Variants in KIRREL3 observed in about 807,000 individuals in gnomAD.
KIRREL3 encodes kirre like nephrin family adhesion molecule 3.
Under a neutral mutation model 89.7 loss-of-function variants are expected in KIRREL3, and 36 were observed. That is an observed-to-expected ratio of 0.40 (90% CI 0.31 to 0.53). The LOEUF (loss-of-function observed/expected upper bound fraction) is 0.53, where lower values mean the gene tolerates loss of function less well. KIRREL3 is among the 20% of genes least tolerant of loss of function. KIRREL3 has a pLI of 0.49. For synonymous variants in KIRREL3, 445 were observed against 441.4 expected (o/e 1.01, Z -0.10); for missense variants, 864 against 1,056.6 (o/e 0.82, Z 2.53).
In KIRREL3 at chr11:126,993,100, C is replaced by T. The variant is rs1950083171; in HGVS notation, c.55+7355G>A. Among the ~76,000 whole-genome samples the T allele has an allele frequency of 7.5e-6, 1 of 134,148 alleles. No individual in the cohort carries two copies. The highest frequency in any genetic ancestry group is 2.3e-4 in the South Asian group (1 of 4,278). 88.0% of individuals were successfully genotyped at this position (134,148 alleles called of 152,430 possible). On this transcript the variant is annotated intron_variant, in intron 1 of 16. Coordinates refer to ENST00000525144, the MANE Select transcript of KIRREL3 (RefSeq NM_032531.4). This position sits in a 1 kb window ranked among gnomAD's most constrained non-coding sequence, Gnocchi z 6.1. ...TTTCCATTCAATTTTACATTTTTAG[C>T]CCCATGTGAAACACAAGAAATACCA...
In KIRREL3 at chr11:126,606,902, G is replaced by T. The variant is rs1359558508; in HGVS notation, c.56-43990C>A. Among the ~76,000 whole-genome samples, 1 of 152,024 alleles carries T rather than the reference G, an allele frequency of 6.6e-6. No individual in the cohort carries two copies. The highest frequency in any genetic ancestry group is 1.5e-5 in the Non-Finnish European group (1 of 68,006). On this transcript the variant is annotated intron_variant, in intron 1 of 16. Coordinates refer to ENST00000525144, the MANE Select transcript of KIRREL3 (RefSeq NM_032531.4). This position sits in a 1 kb window ranked among gnomAD's most constrained non-coding sequence, Gnocchi z 4.6. Reference sequence around the variant, plus strand: ...AGGGAGGACTCTGGATGGGAAAGGGGAGAAGCTCAGATGATGGGAAGGGGC... The same window carrying T: ...AGGGAGGACTCTGGATGGGAAAGGGTAGAAGCTCAGATGATGGGAAGGGGC...
intron 1 of KIRREL3, among the ~76,000 whole-genome samples, chr11:126,937,526 C>T (rs1401423656): frequency 2.6e-5 from 4 of 152,152 alleles, no homozygotes; most frequent in African/African-American, 9.7e-5. Context: ...AAAGCTTTTG[C>T]CTTACTGATA....
intron 4 of KIRREL3, among the ~76,000 whole-genome samples, chr11:126,479,393 C>T (rs998045343): frequency 2.6e-5 from 4 of 152,212 alleles, no homozygotes; most frequent in Non-Finnish European, 2.9e-5. Context: ...AAGCCATACA[C>T]GGCCTGCCAT....
intron 1 of KIRREL3, among the ~76,000 whole-genome samples, chr11:126,573,355 T>C (rs1278055730): frequency 2.6e-5 from 4 of 152,140 alleles, no homozygotes; most frequent in Non-Finnish European, 4.4e-5. Context: ...CTCTAGGGCA[T>C]TGTAACTTGG....
chr11:126,806,794 C>T (rs949548500), intron 1 of KIRREL3, among the ~76,000 whole-genome samples: 2 of 152,226 alleles, frequency 1.3e-5, no homozygotes, highest in South Asian at 2.1e-4. Context: ...TTTTAAGCCC[C>T]ACATGCATTA....
In KIRREL3 at chr11:126,879,281, T is replaced by G. The variant is rs1945407698; in HGVS notation, c.55+121174A>C. Among the ~76,000 whole-genome samples, 1 of 152,196 alleles carries G rather than the reference T, an allele frequency of 6.6e-6. No homozygotes were observed. The highest frequency in any genetic ancestry group is 1.5e-5 in the Non-Finnish European group (1 of 68,048). On this transcript the variant is annotated intron_variant, in intron 1 of 16. Coordinates refer to ENST00000525144, the MANE Select transcript of KIRREL3 (RefSeq NM_032531.4). The surrounding 1 kb of genome is among the most constrained non-coding windows in gnomAD (Gnocchi z 5.4). ...GAGCTGATGTGTTTATTTAGACTAG[T>G]GCTGAGGCTGAGTTAATGCCAGTTT... is the stretch of plus-strand genomic sequence containing the variant.
At position 126,683,462 on chromosome 11, in the gene KIRREL3, A is replaced by G. The variant is rs114207331; in HGVS notation, c.56-120550T>C. On this transcript the variant is annotated intron_variant, in intron 1 of 16. Coordinates refer to ENST00000525144, the MANE Select transcript of KIRREL3 (RefSeq NM_032531.4). The surrounding 1 kb of genome is among the most constrained non-coding windows in gnomAD (Gnocchi z 5.2). ...ATGGGTCTGGGCATCCACTGCTTTC[A>G]CCGAGGGTCTCTGCATGACTTTAGG... 7.6e-3 allele frequency among the ~76,000 whole-genome samples: 1,153 copies of G among 152,306 alleles called. 17 individuals are homozygous for G. Among genetic ancestry groups the G allele is most frequent in the African/African-American group, 0.026 (1,089 of 41,542 alleles).
Position 126,535,633 on chromosome 11 carries a change from A to G in KIRREL3, c.134-8946T>C, listed in dbSNP as rs1937795492. Among the ~76,000 whole-genome samples the G allele has an allele frequency of 6.6e-6, 1 of 151,674 alleles. No individual in the cohort carries two copies. Among genetic ancestry groups the G allele is most frequent in the Admixed American group, 6.6e-5 (1 of 15,198 alleles). ...TGTCAGATTAACTGAATTGGCCTCA[A>G]CCCCACCTTTTCTCCAGCCAGACAT... On this transcript the variant is annotated intron_variant, in intron 2 of 16. Coordinates refer to ENST00000525144, the MANE Select transcript of KIRREL3 (RefSeq NM_032531.4). The surrounding 1 kb of genome is among the most constrained non-coding windows in gnomAD (Gnocchi z 4.5).
intron 1 of KIRREL3, among the ~76,000 whole-genome samples, chr11:126,688,240 G>A (rs1160484791): frequency 6.6e-6 from 1 of 152,208 alleles, no homozygotes; most frequent in Non-Finnish European, 1.5e-5. Flanking sequence ...TCTCTGATGA[G>A]TGCATTCAAT....
intron 1 of KIRREL3, among the ~76,000 whole-genome samples, chr11:126,915,529 T>C (rs909163367): frequency 6.6e-6 from 1 of 152,176 alleles, no homozygotes; most frequent in African/African-American, 2.4e-5. Flanking sequence ...AGAGATGAAT[T>C]CAGGCATCAT....
At chr11:126,930,130 C>T (rs1466761118) in intron 1 of KIRREL3, among the ~76,000 whole-genome samples, 1 of 152,072 alleles carries the variant, frequency 6.6e-6, no homozygotes. Flanking sequence ...TTCACTCCCC[C>T]CTGCACACTT....
intron 7 of KIRREL3, among the ~76,000 whole-genome samples, chr11:126,450,968 T>G (rs1323108158): frequency 6.7e-6 from 1 of 150,220 alleles, no homozygotes; most frequent in East Asian, 2.0e-4. Flanking sequence ...AGCGTGTGCA[T>G]GCATGGGTGT....
chr11:126,800,901 C>T (rs1443580146), intron 1 of KIRREL3, among the ~76,000 whole-genome samples: 1 of 152,156 alleles, frequency 6.6e-6, no homozygotes, highest in Non-Finnish European at 1.5e-5. Context: ...TGAGCCACAG[C>T]TGTGGGAAGC....
chr11:126,994,818 C>T lies in KIRREL3; in HGVS notation c.55+5637G>A, dbSNP rs11822035. On this transcript the variant is annotated intron_variant, in intron 1 of 16. Coordinates refer to ENST00000525144, the MANE Select transcript of KIRREL3 (RefSeq NM_032531.4). This position sits in a 1 kb window ranked among gnomAD's most constrained non-coding sequence, Gnocchi z 5.2. The stretch of plus-strand genomic sequence containing the variant: ...AGTGTGCTTTCTGAGAGGACTGAAG[C>T]CCTTCCGTGCTTCATAATAAAGCTT... 0.011 allele frequency among the ~76,000 whole-genome samples: 1,688 copies of T among 152,254 alleles called. 25 individuals are homozygous for T. The highest frequency in any genetic ancestry group is 0.037 in the African/African-American group (1,525 of 41,536).
intron 1 of KIRREL3, among the ~76,000 whole-genome samples, chr11:126,951,288 G>A (rs1021725526): frequency 3.9e-5 from 6 of 152,212 alleles, no homozygotes; most frequent in Non-Finnish European, 5.9e-5. Context: ...AGATAGGCGA[G>A]TACATCCGTT....
At position 126,898,883 on chromosome 11, in the gene KIRREL3, T is replaced by C. The variant is rs1172125178; in HGVS notation, c.55+101572A>G. On this transcript the variant is annotated intron_variant, in intron 1 of 16. Coordinates refer to ENST00000525144, the MANE Select transcript of KIRREL3 (RefSeq NM_032531.4). This position sits in a 1 kb window ranked among gnomAD's most constrained non-coding sequence, Gnocchi z 4.9. ...CTTAGAACATGGAATAAATGCCAAC[T>C]TAAGTGGTGATTTTGATGGCTACAA... 6.6e-6 allele frequency among the ~76,000 whole-genome samples: 1 copy of C among 152,074 alleles called. No homozygotes were observed. The highest frequency in any genetic ancestry group is 2.4e-5 in the African/African-American group (1 of 41,408).
In KIRREL3 at chr11:126,794,120, A is replaced by T. The variant is rs1950730521; in HGVS notation, c.55+206335T>A. 2.0e-5 allele frequency among the ~76,000 whole-genome samples: 3 copies of T among 152,254 alleles called. No individual in the cohort carries two copies. The South Asian group carries it at 6.2e-4, about 31-fold the overall frequency. On this transcript the variant is annotated intron_variant, in intron 1 of 16. Coordinates refer to ENST00000525144, the MANE Select transcript of KIRREL3 (RefSeq NM_032531.4). ...TTAAAAATACATGTGATTCTAAGAC[A>T]TAAAATAATGGTAAGGAAGTCCAAC...
At chr11:126,494,848 C>T (rs919115824) in intron 4 of KIRREL3, among the ~76,000 whole-genome samples, 15 of 152,234 alleles carry the variant, frequency 9.9e-5, no homozygotes, top group South Asian at 2.1e-4. Context: ...CAGACAGAGA[C>T]GGGCAGCCAC....
At position 126,574,625 on chromosome 11, in the gene KIRREL3, A is replaced by G. The variant is rs1941155720; in HGVS notation, c.56-11713T>C. Among the ~76,000 whole-genome samples, 1 of 152,130 alleles carries G rather than the reference A, an allele frequency of 6.6e-6. No individual in the cohort carries two copies. Among genetic ancestry groups the G allele is most frequent in the African/African-American group, 2.4e-5 (1 of 41,434 alleles). Reference sequence around the variant, plus strand: ...AAGTGACCCCTTTTGGGGTTATCCAATCTAGCAGCCCCACCAGAGCAAAGG... The same window carrying G: ...AAGTGACCCCTTTTGGGGTTATCCAGTCTAGCAGCCCCACCAGAGCAAAGG... On this transcript the variant is annotated intron_variant, in intron 1 of 16. Transcript: ENST00000525144. This position sits in a 1 kb window ranked among gnomAD's most constrained non-coding sequence, Gnocchi z 5.3.
Sources: allele counts gnomAD v4.1 joint callset (sites outside exome capture counted in the v4.1 genomes callset), GRCh38; gene constraint gnomAD v4.1.1; non-coding constraint Gnocchi (gnomAD v3.1); transcripts MANE v1.5; gene names NCBI Gene and HGNC (gene_info 2026-07-23, HGNC 2026-07-21).